GRIK4: variants seen among roughly 807,000 people sequenced by gnomAD.
The protein encoded by GRIK4 is glutamate ionotropic receptor kainate type subunit 4, also known as glutamate receptor ionotropic, kainate 4.
In GRIK4, 40 loss-of-function variants were observed where a neutral mutation model predicts 104.9. The ratio of observed to expected loss-of-function variants is 0.38; its 90% CI spans 0.30 to 0.50. The LOEUF (loss-of-function observed/expected upper bound fraction) is 0.50. GRIK4 is among the 20% of genes least tolerant of loss of function. The probability of loss-of-function intolerance (pLI) is 0.93; values close to 1 mark genes in which losing one functional copy is unlikely to be tolerated. For synonymous variants in GRIK4, 485 were observed against 524.9 expected, an observed-to-expected ratio of 0.92 and a Z score of 1.04; for missense variants, 1,047 against 1,308.1, an observed-to-expected ratio of 0.80 and a Z score of 3.08.
intron 20 of GRIK4, among the ~76,000 whole-genome samples, chr11:120,982,832 T>C (rs1944674396): frequency 6.6e-6 from 1 of 152,104 alleles, no homozygotes; most frequent in Non-Finnish European, 1.5e-5. Flanking sequence ...ACTGGGAAAA[T>C]ATCTCACAGC....
At position 120,986,830 on chromosome 11, in the gene GRIK4, G is replaced by C. The variant is rs1944763669; in HGVS notation, c.*570G>C. On this transcript the variant is annotated 3_prime_UTR_variant, in exon 21 of 21. Transcript: ENST00000527524. Reference sequence around the variant, plus strand: ...GAGGGGGAGGCTGGGTTAGGGAATGGAAGCCTAAATAATCCCTATTTCTTC... The same window carrying C: ...GAGGGGGAGGCTGGGTTAGGGAATGCAAGCCTAAATAATCCCTATTTCTTC... 1 of 152,160 alleles carries C rather than the reference G, an allele frequency of 6.6e-6. No individual in the cohort carries two copies. The highest frequency in any genetic ancestry group is 1.5e-5 in the Non-Finnish European group (1 of 68,064). The allele number at this position is 152,160 out of a possible 1,614,324, so 9.4% of individuals were successfully genotyped here.
chr11:120,737,048 T>G (rs947264313), intron 3 of GRIK4, among the ~76,000 whole-genome samples: 1 of 152,124 alleles, frequency 6.6e-6, no homozygotes, highest in African/African-American at 2.4e-5. Context: ...ATAAGGATAG[T>G]CGTTGCAATG....
chr11:120,618,913 G>T (rs1460238679), intron 1 of GRIK4, among the ~76,000 whole-genome samples: 1 of 152,238 alleles, frequency 6.6e-6, no homozygotes, highest in Non-Finnish European at 1.5e-5. Context: ...GAGGGCAGCA[G>T]TGCAAAGGGG....
chr11:120,633,561 CG>C (rs1949357235), intron 1 of GRIK4, among the ~76,000 whole-genome samples: 1 of 152,070 alleles, frequency 6.6e-6, no homozygotes. Flanking sequence ...AATTAGGGAC[CG>C]GGGAAGCTTT....
intron 11 of GRIK4, among the ~76,000 whole-genome samples, chr11:120,896,560 G>A (rs1405247901): frequency 6.6e-6 from 1 of 152,212 alleles, no homozygotes; most frequent in Non-Finnish European, 1.5e-5. Flanking sequence ...GCTCCTGCCT[G>A]GAACTGGAGG....
chr11:120,546,098 G>C (rs947041640), intron 1 of GRIK4, among the ~76,000 whole-genome samples: 4 of 152,148 alleles, frequency 2.6e-5, no homozygotes, highest in Non-Finnish European at 1.5e-5. Context: ...GTCAGGTGTT[G>C]GCCCTGAGGT....
At chr11:120,857,213 C>T (rs1954127652) in intron 8 of GRIK4, among the ~76,000 whole-genome samples, 1 of 152,216 alleles carries the variant, frequency 6.6e-6, no homozygotes, top group Non-Finnish European at 1.5e-5. Flanking sequence ...CCTGTCCTTG[C>T]TCCCTGGCCC....
intron 13 of GRIK4, among the ~76,000 whole-genome samples, chr11:120,937,964 G>A (rs1254292100): frequency 6.6e-6 from 1 of 152,140 alleles, no homozygotes. Flanking sequence ...AATTGATTTG[G>A]ATTTTTTTTT....
intron 1 of GRIK4, among the ~76,000 whole-genome samples, chr11:120,601,754 A>T (rs773705341): frequency 6.6e-6 from 1 of 151,726 alleles, no homozygotes; most frequent in Non-Finnish European, 1.5e-5. Flanking sequence ...GGAAGTATAA[A>T]ATACAAAGTG....
chr11:120,854,012 A>G (rs575667743), intron 8 of GRIK4, among the ~76,000 whole-genome samples: 7 of 152,216 alleles, frequency 4.6e-5, no homozygotes, highest in Non-Finnish European at 1.0e-4. Context: ...TTGCTCTTCT[A>G]CCACATGTGA....
chr11:120,798,459 G>T (rs1290798769), intron 3 of GRIK4, among the ~76,000 whole-genome samples: 1 of 151,896 alleles, frequency 6.6e-6, no homozygotes, highest in African/African-American at 2.4e-5. Context: ...ACTATGCCAG[G>T]TTTTGTTTTT....
At chr11:120,802,611 G>A in intron 3 of GRIK4, 82 bp from the exon 4 acceptor site, 1 of 1,200,096 alleles carries the variant, frequency 8.3e-7, no homozygotes, top group Non-Finnish European at 1.2e-6. Flanking sequence ...GAGGAAGGTG[G>A]CAGCAGGGGG....
In GRIK4 at chr11:120,940,171, T is replaced by G. The variant is rs981815372; in HGVS notation, c.1477-176T>G. Among the ~76,000 whole-genome samples the G allele has an allele frequency of 6.6e-6, 1 of 152,172 alleles. No individual in the cohort carries two copies. Among genetic ancestry groups the G allele is most frequent in the Non-Finnish European group, 1.5e-5 (1 of 68,048 alleles). On this transcript the variant is annotated intron_variant, in intron 13 of 20. Transcript: ENST00000527524. The surrounding 1 kb of genome is among the most constrained non-coding windows in gnomAD (Gnocchi z 4.3). ...ACATGAGTTATAGCTTCAATATCCA[T>G]GTACTTTTATGAGTGATCATTCAGA... is the stretch of plus-strand genomic sequence containing the variant.
chr11:120,579,104 T>C (rs1948528194), intron 1 of GRIK4, among the ~76,000 whole-genome samples: 1 of 152,136 alleles, frequency 6.6e-6, no homozygotes, highest in African/African-American at 2.4e-5. Context: ...GAGCATCCAC[T>C]GTATGCCAGG....
At chr11:120,790,042 T>C (rs1329096995) in intron 3 of GRIK4, among the ~76,000 whole-genome samples, 1 of 152,144 alleles carries the variant, frequency 6.6e-6, no homozygotes, top group Non-Finnish European at 1.5e-5. Flanking sequence ...CAGAGTCAAA[T>C]GACCTCATCT....
At chr11:120,837,471 C>G (rs1215458002) in intron 8 of GRIK4, among the ~76,000 whole-genome samples, 1 of 152,180 alleles carries the variant, frequency 6.6e-6, no homozygotes, top group Non-Finnish European at 1.5e-5. Context: ...CCACCACCAT[C>G]CAAATACCTG....
intron 1 of GRIK4, among the ~76,000 whole-genome samples, chr11:120,515,251 G>A (rs1247019789): frequency 6.6e-6 from 1 of 152,188 alleles, no homozygotes; most frequent in East Asian, 1.9e-4. Context: ...ACCAGTTCCA[G>A]CTACCAAGTA....
intron 13 of GRIK4, among the ~76,000 whole-genome samples, chr11:120,935,192 T>C (rs1943570072): frequency 6.6e-6 from 1 of 152,170 alleles, no homozygotes; most frequent in African/African-American, 2.4e-5. Context: ...CCCTTTCATT[T>C]TACAGTTGAG....
intron 3 of GRIK4, among the ~76,000 whole-genome samples, chr11:120,789,232 C>T (rs1442283604): frequency 6.6e-6 from 1 of 152,094 alleles, no homozygotes; most frequent in African/African-American, 2.4e-5. Context: ...ACAGTGCGCC[C>T]CGAACTTAAT....
Sources: gnomAD v4.1 joint callset for allele counts (sites outside exome capture counted in the v4.1 genomes callset) on GRCh38, gnomAD v4.1.1 for gene constraint, Gnocchi (gnomAD v3.1) non-coding constraint, MANE v1.5 for transcripts, NCBI Gene and HGNC (gene_info 2026-07-23, HGNC 2026-07-21) for gene names.